Variants in GRID1 observed in about 807,000 individuals in gnomAD.
The protein encoded by GRID1 is glutamate receptor ionotropic, delta-1.
A neutral mutation model predicts 98.0 loss-of-function variants in GRID1; 28 were observed. The observed-to-expected ratio is 0.29, with a 90% CI of 0.21 to 0.39. The LOEUF (loss-of-function observed/expected upper bound fraction) is 0.39. GRID1 is among the 10% of genes least tolerant of loss of function. The pLI, the probability that GRID1 is intolerant of heterozygous loss-of-function variation, is 1.00. For missense variants in GRID1, 1,111 were observed against 1,340.5 expected, an observed-to-expected ratio of 0.83 and a Z score of 2.67; for synonymous variants, 553 against 538.5, an observed-to-expected ratio of 1.03 and a Z score of -0.37.
intron 8 of GRID1, among the ~76,000 whole-genome samples, chr10:85,739,424 C>A (rs1841918961): frequency 6.6e-6 from 1 of 151,720 alleles, no homozygotes; most frequent in Non-Finnish European, 1.5e-5. Context: ...TAAAAATAAA[C>A]AAATAAAAAA....
chr10:86,069,524 T>G (rs1293513995), intron 4 of GRID1, among the ~76,000 whole-genome samples: 1 of 152,126 alleles, frequency 6.6e-6, no homozygotes, highest in African/African-American at 2.4e-5. Context: ...GGCGGGTGCC[T>G]GTAGTTCCAG....
intron 3 of GRID1, among the ~76,000 whole-genome samples, chr10:86,194,853 G>A (rs896108299): frequency 6.6e-6 from 1 of 151,886 alleles, no homozygotes; most frequent in African/African-American, 2.4e-5. Flanking sequence ...ACGGCTCTAT[G>A]GTGAGCACTG....
intron 4 of GRID1, among the ~76,000 whole-genome samples, chr10:85,936,549 A>G (rs1841929412): frequency 6.6e-6 from 1 of 152,112 alleles, no homozygotes; most frequent in Non-Finnish European, 1.5e-5. Context: ...GAAAAAATAG[A>G]AGCCTCACTC....
At chr10:85,611,963 C>T (rs1842736735) in intron 15 of GRID1, among the ~76,000 whole-genome samples, 1 of 152,222 alleles carries the variant, frequency 6.6e-6, no homozygotes, top group African/African-American at 2.4e-5. Flanking sequence ...GGTGATAGGA[C>T]AGCCACTGAG....
At chr10:85,968,906 G>A (rs1842372479) in intron 4 of GRID1, among the ~76,000 whole-genome samples, 1 of 152,146 alleles carries the variant, frequency 6.6e-6, no homozygotes, top group Non-Finnish European at 1.5e-5. Context: ...GAACGACAGA[G>A]TGAATTTTTT....
At chr10:85,630,734 T>C (rs993487622) in intron 13 of GRID1, among the ~76,000 whole-genome samples, 20 of 152,178 alleles carry the variant, frequency 1.3e-4, no homozygotes, top group Admixed American at 1.1e-3. Flanking sequence ...TTATAAGAAA[T>C]GTAAATTATC....
In GRID1 at chr10:86,206,688, G is replaced by C. The variant is rs200247418; in HGVS notation, c.236-40C>G. ...GAGAGAGAGGAAGGGGTCAGCATCA[G>C]GGCGATGCTGCACCAGCTTCAACCT... On this transcript the variant is annotated intron_variant, in intron 2 of 15. Transcript: ENST00000327946. The surrounding 1 kb of genome is among the most constrained non-coding windows in gnomAD (Gnocchi z 4.1). 657 of 1,564,394 alleles carry C rather than the reference G, an allele frequency of 4.2e-4. No individual in the cohort carries two copies. The highest frequency in any genetic ancestry group is 5.5e-4 in the Non-Finnish European group (630 of 1,145,388).
chr10:85,958,126 G>A (rs1005651197), intron 4 of GRID1, among the ~76,000 whole-genome samples: 2 of 152,224 alleles, frequency 1.3e-5, no homozygotes. Flanking sequence ...TGCTGGGTCA[G>A]GTCAACCTGG....
At chr10:86,317,011 G>C (rs946752101) in intron 2 of GRID1, among the ~76,000 whole-genome samples, 1 of 152,120 alleles carries the variant, frequency 6.6e-6, no homozygotes, top group Non-Finnish European at 1.5e-5. Flanking sequence ...ATAAAAGTAC[G>C]GCCTTGGCAA....
chr10:85,990,216 C>T (rs1297852836), intron 4 of GRID1, among the ~76,000 whole-genome samples: 1 of 152,186 alleles, frequency 6.6e-6, no homozygotes, highest in African/African-American at 2.4e-5. Context: ...AAGCAAATGG[C>T]CCTGAAACTT....
chr10:85,617,185 C>A lies in GRID1; in HGVS notation c.2360+2682G>T, dbSNP rs1015011277. On this transcript the variant is annotated intron_variant, in intron 14 of 15. Coordinates refer to ENST00000327946, the MANE Select transcript of GRID1 (RefSeq NM_017551.3). The stretch of plus-strand genomic sequence containing the variant: ...GACCTATCCCTTCATTCCTCTGAAG[C>A]TAGAGGCAGCTCACAGTTCTGCATG... 1.8e-4 allele frequency among the ~76,000 whole-genome samples: 27 copies of A among 151,960 alleles called. 1 individual carries two copies.
rs188112440 is a variant in GRID1, at chr10:86,079,518, G to C, written c.726+59301C>G. On this transcript the variant is annotated intron_variant, in intron 4 of 15. Coordinates refer to ENST00000327946, the MANE Select transcript of GRID1 (RefSeq NM_017551.3). ...AACATCCATCAGACCAGGAAGTGAG[G>C]GAAATAGAAGCCAAGAAAGAAACCA... 1.4e-4 allele frequency among the ~76,000 whole-genome samples: 21 copies of C among 152,132 alleles called. 1 individual carries two copies. Among genetic ancestry groups the C allele is most frequent in the African/African-American group, 5.1e-4 (21 of 41,410 alleles).
At chr10:86,202,665 T>C (rs1446206362) in intron 3 of GRID1, among the ~76,000 whole-genome samples, 1 of 152,258 alleles carries the variant, frequency 6.6e-6, no homozygotes, top group Admixed American at 6.5e-5. Context: ...CCAACTCCTC[T>C]CTCACCCTTC....
At chr10:86,150,254 G>C (rs1454448747) in intron 3 of GRID1, among the ~76,000 whole-genome samples, 2 of 152,210 alleles carry the variant, frequency 1.3e-5, no homozygotes, top group Non-Finnish European at 2.9e-5. Flanking sequence ...CAGCCCTCAG[G>C]TGCTTGGTGC....
chr10:85,732,075 G>T (rs1453777496), intron 8 of GRID1, among the ~76,000 whole-genome samples: 1 of 152,136 alleles, frequency 6.6e-6, no homozygotes, highest in Non-Finnish European at 1.5e-5. Flanking sequence ...GGGTCAAGGG[G>T]TTGATTGCCT....
At chr10:85,705,038 C>T (rs1290420105) in intron 12 of GRID1, among the ~76,000 whole-genome samples, 2 of 152,116 alleles carry the variant, frequency 1.3e-5, no homozygotes, top group Non-Finnish European at 2.9e-5. Context: ...AAATTGACAA[C>T]CTAACATCAC....
intron 2 of GRID1, among the ~76,000 whole-genome samples, chr10:86,216,240 A>G (rs1340999184): frequency 6.6e-6 from 1 of 152,360 alleles, no homozygotes; most frequent in East Asian, 1.9e-4. Flanking sequence ...TAAGGTCACA[A>G]GAGGAGGAGC....
At chr10:85,797,175 GT>G (rs905516086) in intron 8 of GRID1, among the ~76,000 whole-genome samples, 3 of 151,946 alleles carry the variant, frequency 2.0e-5, no homozygotes, top group Non-Finnish European at 4.4e-5. Context: ...TTGAAAAAGA[GT>G]TTTTTAAAAA....
At chr10:86,085,299 G>A (rs1392100922) in intron 4 of GRID1, among the ~76,000 whole-genome samples, 1 of 152,192 alleles carries the variant, frequency 6.6e-6, no homozygotes, top group Non-Finnish European at 1.5e-5. Context: ...GCCCACAGGG[G>A]CTCTGCCCTG....
Sources: allele counts gnomAD v4.1 joint callset (sites outside exome capture counted in the v4.1 genomes callset), GRCh38; gene constraint gnomAD v4.1.1; non-coding constraint Gnocchi (gnomAD v3.1); transcripts MANE v1.5; gene names NCBI Gene and HGNC (gene_info 2026-07-23, HGNC 2026-07-21).